Variants in PCDHGC5 observed in about 807,000 individuals in gnomAD.
PCDHGC5 encodes the protein protocadherin gamma subfamily C, 5.
In PCDHGC5, 25 loss-of-function variants were observed where a neutral mutation model predicts 59.0. The observed-to-expected ratio is 0.42, with a 90% CI of 0.31 to 0.59. The LOEUF (loss-of-function observed/expected upper bound fraction) is 0.59. Among genes scored for constraint, PCDHGC5 ranks in the 20% least tolerant of loss-of-function variants. PCDHGC5 has a pLI of 0.13. For missense variants in PCDHGC5, 1,067 were observed against 1,206.4 expected, an observed-to-expected ratio of 0.88 and a Z score of 1.71; for synonymous variants, 434 against 505.5, an observed-to-expected ratio of 0.86 and a Z score of 1.90.
chr5:141,496,467 T>A (rs1334392771), intron 2 of PCDHGC5, among the ~76,000 whole-genome samples: 1 of 152,056 alleles, frequency 6.6e-6, no homozygotes, highest in Non-Finnish European at 1.5e-5. Context: ...GAGTTATCTT[T>A]CCCCCATCCT....
intron 2 of PCDHGC5, among the ~76,000 whole-genome samples, chr5:141,502,067 CCTTCACCTGGGG>C (rs1307097799): frequency 6.6e-6 from 1 of 152,172 alleles, no homozygotes; most frequent in Non-Finnish European, 1.5e-5. Flanking sequence ...CCATTAGCCC[CCTTCACCTGGGG>C]CTGAGAACAC....
chr5:141,493,140 C>T lies in PCDHGC5; in HGVS notation c.2460+1440C>T, dbSNP rs2099746336. Among the ~76,000 whole-genome samples, 1 of 146,374 alleles carries T rather than the reference C, an allele frequency of 6.8e-6. No homozygotes were observed. Among genetic ancestry groups the T allele is most frequent in the African/African-American group, 2.5e-5 (1 of 40,746 alleles). ...GCTCCTAGGACTGTATTTTGAAACACCCCCAGGTGATTTTGATAGCTGATT... is the reference window on the plus strand; with the variant it reads ...GCTCCTAGGACTGTATTTTGAAACATCCCCAGGTGATTTTGATAGCTGATT... On this transcript the variant is annotated intron_variant, in intron 1 of 3. Transcript: ENST00000252087. This position sits in a 1 kb window ranked among gnomAD's most constrained non-coding sequence, Gnocchi z 4.3.
chr5:141,512,942 C>T lies in PCDHGC5; in HGVS notation c.*1769C>T, dbSNP rs1596321854. 3.3e-5 allele frequency: 5 copies of T among 151,644 alleles called. No individual in the cohort carries two copies. The South Asian group carries it at 1.0e-3, about 32-fold the overall frequency. The allele number at this position is 151,644 out of a possible 1,614,324, so 9.4% of individuals were successfully genotyped here. On this transcript the variant is annotated 3_prime_UTR_variant, in exon 4 of 4. Transcript: ENST00000252087. Reference sequence around the variant, plus strand: ...TAATATTTATATGGCTTTTTTTCTTCGACAAAAAAATAATAAAACGTTTCT... The same window carrying T: ...TAATATTTATATGGCTTTTTTTCTTTGACAAAAAAATAATAAAACGTTTCT...
chr5:141,508,045 T>A (rs985875804), intron 3 of PCDHGC5: 1 of 152,264 alleles, frequency 6.6e-6, no homozygotes, highest in Non-Finnish European at 1.5e-5. Flanking sequence ...GCCAGCTGTG[T>A]TCCAGCTAAT....
intron 2 of PCDHGC5, among the ~76,000 whole-genome samples, chr5:141,503,351 C>T (rs1186394919): frequency 6.6e-6 from 1 of 151,994 alleles, no homozygotes; most frequent in Admixed American, 6.6e-5. Context: ...AATTCCAGCA[C>T]TTTGGGAAGC....
rs1424221139 is a variant in PCDHGC5, at chr5:141,491,867, T to G, written c.2460+167T>G. On this transcript the variant is annotated intron_variant, in intron 1 of 3. Coordinates refer to ENST00000252087, the MANE Select transcript of PCDHGC5 (RefSeq NM_018929.3). The surrounding 1 kb of genome is among the most constrained non-coding windows in gnomAD (Gnocchi z 6.9). ...TTGGACCGTTTGCGCGAAACCAGAG[T>G]GGCCGATTAAGGGATGGGGCTCCGA... 2 of 1,452,218 alleles carry G rather than the reference T, an allele frequency of 1.4e-6. No homozygotes were observed. The highest frequency in any genetic ancestry group is 1.8e-6 in the Non-Finnish European group (2 of 1,099,056). 90.0% of individuals were successfully genotyped at this position (1,452,218 alleles called of 1,614,324 possible).
intron 3 of PCDHGC5, among the ~76,000 whole-genome samples, chr5:141,509,262 ACT>A (rs761383166): frequency 9.2e-5 from 14 of 151,714 alleles, no homozygotes; most frequent in Non-Finnish European, 1.9e-4. Flanking sequence ...GGCTTTAGTC[ACT>A]CTCGCTACCC....
chr5:141,504,209 C>T (rs1305672612), intron 2 of PCDHGC5, among the ~76,000 whole-genome samples: 1 of 152,180 alleles, frequency 6.6e-6, no homozygotes, highest in Non-Finnish European at 1.5e-5. Flanking sequence ...TGGGAAAATT[C>T]CAAGTAGAGC....
In PCDHGC5 at chr5:141,491,492, T is replaced by G. The variant is rs763487622; in HGVS notation, c.2252T>G (p.Val751Gly). Residue 751 changes from valine to glycine, a missense_variant, in exon 1 of 4, where the codon GTG becomes GGG. Coordinates refer to ENST00000252087, the MANE Select transcript of PCDHGC5 (RefSeq NM_018929.3). This position sits in a 1 kb window ranked among gnomAD's most constrained non-coding sequence, Gnocchi z 6.9. ...FYKQSSPNLQVSSDGTLKYME... is the reference protein window; with the variant it reads ...FYKQSSPNLQGSSDGTLKYME... ...AAGCAGTCCAGCCCCAACCTGCAGG[T>G]GAGCTCGGACGGCACGCTCAAGTAC... 3.1e-6 allele frequency: 5 copies of G among 1,614,024 alleles called. No homozygotes were observed. The highest frequency in any genetic ancestry group is 3.4e-6 in the Non-Finnish European group (4 of 1,180,006).
intron 3 of PCDHGC5, 119 bp downstream of exon 3, chr5:141,505,600 G>T: frequency 1.3e-6 from 2 of 1,554,224 alleles, no homozygotes; most frequent in Middle Eastern, 3.4e-4. Context: ...AGATCTTTCG[G>T]CAGGTCTGAA....
Position 141,490,600 on chromosome 5 carries a change from T to G in PCDHGC5, c.1360T>G (p.Phe454Val). 6.2e-7 allele frequency: 1 copy of G among 1,614,164 alleles called. No homozygotes were observed. Among genetic ancestry groups the G allele is most frequent in the South Asian group, 1.1e-5 (1 of 91,072 alleles). ...ISDVNDNAPR[F>V]NQQLYTAYIL... ...AGATGTCAATGACAATGCACCCCGCTTCAACCAGCAGCTTTACACTGCTTA... is the reference window on the plus strand; with the variant it reads ...AGATGTCAATGACAATGCACCCCGCGTCAACCAGCAGCTTTACACTGCTTA... The change falls in exon 1 of 4, where the codon TTC (phenylalanine) becomes GTC (valine). Residue 454 changes from phenylalanine to valine, a missense_variant. By Grantham distance (50) the Phe-to-Val change is conservative. Coordinates refer to ENST00000252087, the MANE Select transcript of PCDHGC5 (RefSeq NM_018929.3). The surrounding 1 kb of genome is among the most constrained non-coding windows in gnomAD (Gnocchi z 5.4).
At chr5:141,500,192 A>T (rs865941565) in intron 2 of PCDHGC5, among the ~76,000 whole-genome samples, 1 of 110,142 alleles carries the variant, frequency 9.1e-6, no homozygotes, top group Non-Finnish European at 2.0e-5. Context: ...ATTTTTATTT[A>T]TTTATTTATT....
At chr5:141,492,009 G>C in intron 1 of PCDHGC5, 1 of 617,702 alleles carries the variant, frequency 1.6e-6, no homozygotes, top group Non-Finnish European at 2.7e-6. Flanking sequence ...GATTTCCGCG[G>C]GTGTCGGGGG....
chr5:141,500,403 G>GT (rs2099800018), intron 2 of PCDHGC5, among the ~76,000 whole-genome samples: 1 of 151,706 alleles, frequency 6.6e-6, no homozygotes, highest in Non-Finnish European at 1.5e-5. Context: ...TAGAGACGGG[G>GT]TTTCACCGTG....
At chr5:141,504,986 AC>A (rs1225847397) in intron 2 of PCDHGC5, among the ~76,000 whole-genome samples, 4 of 151,936 alleles carry the variant, frequency 2.6e-5, no homozygotes, top group Non-Finnish European at 5.9e-5. Context: ...ACATGGTGAA[AC>A]CCCGTCTGTA....
chr5:141,495,921 T>C (rs959070876), intron 2 of PCDHGC5, among the ~76,000 whole-genome samples: 1 of 152,196 alleles, frequency 6.6e-6, no homozygotes, highest in Non-Finnish European at 1.5e-5. Context: ...TCTTTCTTTG[T>C]CTCTGTCTCT....
chr5:141,491,199 C>T lies in PCDHGC5; in HGVS notation c.1959C>T (p.Asp653=). ...TGGTCCTGGTGAGGGACAATGGTGA[C>T]CCTTCACTCTCCTCCACAGCCACAG... ...QVVVLVRDNG[D]PSLSSTATVL... is the part of the protein sequence containing the mutation. Residue 653 remains aspartate (D), a synonymous_variant, in exon 1 of 4, where the codon GAC becomes GAT. Coordinates refer to ENST00000252087, the MANE Select transcript of PCDHGC5 (RefSeq NM_018929.3). The surrounding 1 kb of genome is among the most constrained non-coding windows in gnomAD (Gnocchi z 6.9). 1 of 1,614,190 alleles carries T rather than the reference C, an allele frequency of 6.2e-7. No homozygotes were observed. Among genetic ancestry groups the T allele is most frequent in the South Asian group, 1.1e-5 (1 of 91,086 alleles).
intron 2 of PCDHGC5, among the ~76,000 whole-genome samples, chr5:141,497,977 G>A (rs1368982839): frequency 6.6e-6 from 1 of 152,216 alleles, no homozygotes; most frequent in Admixed American, 6.5e-5. Context: ...CTCGATGTGG[G>A]AGGCCCCTGC....
Position 141,511,390 on chromosome 5 carries a change from C to T in PCDHGC5, c.*217C>T, listed in dbSNP as rs2099883760. 1.8e-6 allele frequency: 2 copies of T among 1,101,460 alleles called. No individual in the cohort carries two copies. Among genetic ancestry groups the T allele is most frequent in the Admixed American group, 2.9e-5 (1 of 34,440 alleles). The allele number at this position is 1,101,460 out of a possible 1,614,324, so 68.2% of individuals were successfully genotyped here. A position where few individuals can be genotyped will look rare whatever the true frequency, so the allele number is the denominator to read the frequency against. On this transcript the variant is annotated 3_prime_UTR_variant, in exon 4 of 4. Transcript: ENST00000252087. ...ATGCAAAAGCAGTTCCGCTGGGAAC[C>T]CCCATCCAATCAACTGCTGTACCCA... is the stretch of plus-strand genomic sequence containing the variant.
Sources: allele counts gnomAD v4.1 joint callset (sites outside exome capture counted in the v4.1 genomes callset), GRCh38; gene constraint gnomAD v4.1.1; non-coding constraint Gnocchi (gnomAD v3.1); transcripts MANE v1.5; gene names NCBI Gene and HGNC (gene_info 2026-07-23, HGNC 2026-07-21).